VAC14: variants seen among roughly 807,000 people sequenced by gnomAD.
The protein encoded by VAC14 is VAC14 component of PIKFYVE complex, also known as protein VAC14 homolog.
A neutral mutation model predicts 85.3 loss-of-function variants in VAC14; 47 were observed. The ratio of observed to expected loss-of-function variants is 0.55; its 90% CI spans 0.44 to 0.70. VAC14 has a LOEUF of 0.70. Ranked by LOEUF, VAC14 falls within the 30% of genes least tolerant of loss-of-function variation. The probability of loss-of-function intolerance (pLI) is 0.00; values close to 1 mark genes in which losing one functional copy is unlikely to be tolerated. For missense variants in VAC14, 861 were observed against 1,004.3 expected (o/e 0.86, Z 1.93); for synonymous variants, 447 against 430.5 (o/e 1.04, Z -0.47).
In VAC14 at chr16:70,697,171, G is replaced by A; in HGVS notation, c.1923C>T (p.Asn641=). The part of the protein sequence containing the change: ...TTVSLCFLTQ[N]YRHAYDLIQK... ...GGATGAGGTCATAGGCGTGCCGGTA[G>A]TTCTGGGTGAGGAAGCAGAGGGACA... The change falls in exon 16 of 19, where the codon AAC becomes AAT. Residue 641 remains asparagine, a synonymous_variant. Transcript: ENST00000261776. 1 of 1,613,992 alleles carries A rather than the reference G, an allele frequency of 6.2e-7. No individual in the cohort carries two copies. Among genetic ancestry groups the A allele is most frequent in the Non-Finnish European group, 8.5e-7 (1 of 1,179,922 alleles).
intron 9 of VAC14, chr16:70,778,293 G>A (rs2033626942): frequency 6.6e-6 from 1 of 152,222 alleles, no homozygotes; most frequent in African/African-American, 2.4e-5. Flanking sequence ...CCAGCTGGTA[G>A]GGATGTTTTT....
chr16:70,711,735 T>C (rs1414924497), intron 14 of VAC14, among the ~76,000 whole-genome samples: 1 of 152,234 alleles, frequency 6.6e-6, no homozygotes, highest in Admixed American at 6.5e-5. Flanking sequence ...CATGAGTGCC[T>C]TTCTTGTCTT....
chr16:70,788,323 G>A (rs544490253), intron 1 of VAC14, among the ~76,000 whole-genome samples: 4 of 152,200 alleles, frequency 2.6e-5, no homozygotes, highest in Non-Finnish European at 2.9e-5. Context: ...CCTATCATGC[G>A]CCAGGCACTG....
At chr16:70,712,519 G>A (rs1268652311) in intron 14 of VAC14, among the ~76,000 whole-genome samples, 4 of 152,202 alleles carry the variant, frequency 2.6e-5, no homozygotes, top group Admixed American at 6.5e-5. Context: ...GTGTCTAGCC[G>A]GGCTCAGGAT....
chr16:70,759,114 G>A (rs3785417), intron 12 of VAC14, among the ~76,000 whole-genome samples: 90,024 of 152,052 alleles, frequency 0.59, 27,712 homozygotes, highest in Admixed American at 0.73. Context: ...GCTCTGCTGC[G>A]CCAGCTCTTG....
chr16:70,794,168 T>C (rs905000456), intron 1 of VAC14, among the ~76,000 whole-genome samples: 1 of 152,186 alleles, frequency 6.6e-6, no homozygotes, highest in Non-Finnish European at 1.5e-5. Flanking sequence ...TTCACTCTTT[T>C]AGAGTGTAGG....
chr16:70,740,794 G>A (rs1261893077), intron 13 of VAC14, among the ~76,000 whole-genome samples: 3 of 152,358 alleles, frequency 2.0e-5, no homozygotes, highest in African/African-American at 7.2e-5. Flanking sequence ...TGAGGAATGA[G>A]GGAGGCAGGG....
chr16:70,758,900 C>T lies in VAC14; in HGVS notation c.1371+3640G>A, dbSNP rs149144671. ...GACAAAAGGAATTTTCAGATAACGT[C>T]TGCAAGGAGCAGGTGGTGCTGAGGA... On this transcript the variant is annotated intron_variant, in intron 12 of 18. Transcript: ENST00000261776. Among the ~76,000 whole-genome samples, 1,126 of 152,390 alleles carry T rather than the reference C, an allele frequency of 7.4e-3. 5 individuals carry two copies. The highest frequency in any genetic ancestry group is 0.012 in the Admixed American group (178 of 15,314).
intron 14 of VAC14, among the ~76,000 whole-genome samples, chr16:70,727,308 C>G (rs1218302093): frequency 6.6e-6 from 1 of 152,190 alleles, no homozygotes; most frequent in African/African-American, 2.4e-5. Context: ...ATCTGCGGAA[C>G]CATCGCGATG....
Position 70,697,198 on chromosome 16 carries a change from CG to C in VAC14, c.1895del (p.Thr632ArgfsTer40), listed in dbSNP as rs775829375. 6.2e-7 allele frequency: 1 copy of C among 1,614,022 alleles called. No individual in the cohort carries two copies. On this transcript the variant is annotated frameshift_variant, in exon 16 of 19. Coordinates refer to ENST00000261776, the MANE Select transcript of VAC14 (RefSeq NM_018052.5). LOFTEE classifies it high-confidence loss of function. ...TCTGGGTGAGGAAGCAGAGGGACAC[CG>C]TGGTGACTGGGTTGTGGCACCAGGA... ...YRSWCHNPVT[T>X]VSLCFLTQNY...
chr16:70,749,239 C>T (rs2031178263), intron 12 of VAC14, among the ~76,000 whole-genome samples: 1 of 152,262 alleles, frequency 6.6e-6, no homozygotes, highest in African/African-American at 2.4e-5. Flanking sequence ...ACACCAAGGG[C>T]TTCCAACCCC....
chr16:70,786,452 T>C (rs937501610), intron 1 of VAC14, 87 bp from the exon 2 acceptor site: 2 of 1,536,596 alleles, frequency 1.3e-6, no homozygotes, highest in Non-Finnish European at 1.8e-6. Flanking sequence ...GGAAGGGAGA[T>C]GACCTGTTTG....
intron 12 of VAC14, among the ~76,000 whole-genome samples, chr16:70,755,407 A>T (rs1472953072): frequency 6.6e-6 from 1 of 152,238 alleles, no homozygotes; most frequent in Non-Finnish European, 1.5e-5. Context: ...GGCCTGGATA[A>T]GGCAGTGCCT....
In VAC14 at chr16:70,687,971, C is replaced by G. The variant is rs376731871; in HGVS notation, c.2306G>C (p.Arg769Pro). The G allele has an allele frequency of 1.3e-6, 2 of 1,592,872 alleles. No individual in the cohort carries two copies. Among genetic ancestry groups the G allele is most frequent in the Non-Finnish European group, 1.7e-6 (2 of 1,167,554 alleles). ...QNKHLEVRHQ[R>P]SGRGDHLDRR... ...GTCCAGGTGGTCCCCACGCCCGCTC[C>G]GCTGGTGCCGCACTTCCAGGTGCTT... Residue 769 changes from arginine to proline, a missense_variant, in exon 19 of 19, where the codon CGG becomes CCG. By Grantham distance (103) the Arg-to-Pro change is moderately radical. Transcript: ENST00000261776.
intron 1 of VAC14, among the ~76,000 whole-genome samples, chr16:70,797,956 G>A (rs1157041369): frequency 1.3e-5 from 2 of 152,304 alleles, no homozygotes; most frequent in East Asian, 1.9e-4. Flanking sequence ...TTGCAGAACC[G>A]TGAGCCAAAT....
At chr16:70,761,008 T>G (rs2032305791) in intron 12 of VAC14, 1 of 324,602 alleles carries the variant, frequency 3.1e-6, no homozygotes, top group African/African-American at 3.5e-5. Context: ...TGTGTGTGTG[T>G]GTGTGTGTGT....
intron 9 of VAC14, among the ~76,000 whole-genome samples, chr16:70,774,911 A>C (rs1597990734): frequency 6.6e-6 from 1 of 151,200 alleles, no homozygotes; most frequent in Admixed American, 6.6e-5. Context: ...ATGCCCGGCT[A>C]ATTTTTTTTT....
At chr16:70,763,144 G>A in intron 10 of VAC14, 119 bp from the exon 11 acceptor site, 1 of 1,407,248 alleles carries the variant, frequency 7.1e-7, no homozygotes, top group Non-Finnish European at 9.7e-7. Context: ...CCACCGTCTA[G>A]GGGGATCGGG....
rs908903709 is a variant in VAC14, at chr16:70,745,674, G to A, written c.1372-1095C>T. Among the ~76,000 whole-genome samples, 5 of 152,180 alleles carry A rather than the reference G, an allele frequency of 3.3e-5. No homozygotes were observed. In the East Asian group the frequency reaches 7.7e-4, roughly 24 times the overall value. ...CTGCCCCTCACTCCTCTCTTGCTCTGGGCTAGGGACTATGCCTGTCCCCCC... is the reference window on the plus strand; with the variant it reads ...CTGCCCCTCACTCCTCTCTTGCTCTAGGCTAGGGACTATGCCTGTCCCCCC... On this transcript the variant is annotated intron_variant, in intron 12 of 18. Coordinates refer to ENST00000261776, the MANE Select transcript of VAC14 (RefSeq NM_018052.5).
Sources: allele counts gnomAD v4.1 joint callset (sites outside exome capture counted in the v4.1 genomes callset), GRCh38; gene constraint gnomAD v4.1.1; transcripts MANE v1.5; gene names NCBI Gene and HGNC (gene_info 2026-07-23, HGNC 2026-07-21).